The following CDH12 variants were observed in gnomAD, a reference collection of about 807,000 sequenced individuals.
The protein encoded by CDH12 is cadherin 12, also known as cadherin-12.
CDH12 carries 41 observed loss-of-function variants against 74.1 expected under a neutral mutation model. The observed-to-expected ratio is 0.55, with a 90% CI of 0.43 to 0.72. The LOEUF (loss-of-function observed/expected upper bound fraction) is 0.72. Among genes scored for constraint, CDH12 ranks in the 30% least tolerant of loss-of-function variants. CDH12 has a pLI of 0.00. For missense variants in CDH12, 945 were observed against 977.2 expected (o/e 0.97, Z 0.44); for synonymous variants, 399 against 355.0 (o/e 1.12, Z -1.39).
intron 5 of CDH12, among the ~76,000 whole-genome samples, chr5:22,032,720 T>A (rs1338438791): frequency 1.4e-5 from 2 of 141,820 alleles, no homozygotes; most frequent in East Asian, 2.0e-4. Flanking sequence ...AAAAAAAAAA[T>A]GTATATACAT....
intron 5 of CDH12, among the ~76,000 whole-genome samples, chr5:22,001,747 TTTTCC>T (rs1235101658): frequency 1.3e-5 from 2 of 152,082 alleles, no homozygotes; most frequent in African/African-American, 4.8e-5. Context: ...CTCTCCCATT[TTTTCC>T]TTTGTCTTTT....
intron 6 of CDH12, among the ~76,000 whole-genome samples, chr5:21,893,365 A>G (rs149429306): frequency 1.5e-3 from 228 of 152,294 alleles, no homozygotes; most frequent in African/African-American, 5.3e-3. Context: ...AGAGAACAAA[A>G]TGAAGTCCAG....
At chr5:22,329,065 G>T (rs1277217936) in intron 3 of CDH12, among the ~76,000 whole-genome samples, 1 of 152,134 alleles carries the variant, frequency 6.6e-6, no homozygotes, top group East Asian at 1.9e-4. Context: ...TCAACACTGA[G>T]TAATTAATAT....
chr5:22,510,827 A>G (rs929983565), intron 1 of CDH12, among the ~76,000 whole-genome samples: 1 of 152,118 alleles, frequency 6.6e-6, no homozygotes, highest in Admixed American at 6.5e-5. Context: ...CTTTAATTAT[A>G]TCATACATAA....
chr5:22,671,943 G>C (rs1740919570), intron 1 of CDH12, among the ~76,000 whole-genome samples: 1 of 148,190 alleles, frequency 6.7e-6, no homozygotes, highest in Admixed American at 6.8e-5. Context: ...CATTACCTCA[G>C]TCACCTTTAA....
At chr5:22,127,778 A>G (rs568554884) in intron 4 of CDH12, among the ~76,000 whole-genome samples, 1 of 152,324 alleles carries the variant, frequency 6.6e-6, no homozygotes, top group South Asian at 2.1e-4. Flanking sequence ...AGGGTATGCT[A>G]TCATCATCCC....
intron 5 of CDH12, among the ~76,000 whole-genome samples, chr5:22,023,612 T>C (rs1206315803): frequency 6.6e-6 from 1 of 152,018 alleles, no homozygotes; most frequent in Non-Finnish European, 1.5e-5. Context: ...CAAATTTCTA[T>C]AATGACAGGT....
intron 1 of CDH12, among the ~76,000 whole-genome samples, chr5:22,695,901 A>T (rs776603806): frequency 6.6e-6 from 1 of 152,146 alleles, no homozygotes; most frequent in Non-Finnish European, 1.5e-5. Flanking sequence ...TATGAATTAA[A>T]TTTATCTATT....
chr5:22,521,892 T>G (rs1384250861), intron 1 of CDH12, among the ~76,000 whole-genome samples: 2 of 152,200 alleles, frequency 1.3e-5, no homozygotes, highest in Non-Finnish European at 2.9e-5. Context: ...CTACCTTATA[T>G]AAGACTCATT....
chr5:22,692,291 C>T (rs1260567219), intron 1 of CDH12, among the ~76,000 whole-genome samples: 2 of 152,120 alleles, frequency 1.3e-5, no homozygotes, highest in Non-Finnish European at 2.9e-5. Flanking sequence ...AGCTATGAGC[C>T]AAGTAAACTT....
chr5:22,716,381 A>G (rs760561374), intron 1 of CDH12, among the ~76,000 whole-genome samples: 1 of 152,096 alleles, frequency 6.6e-6, no homozygotes, highest in Non-Finnish European at 1.5e-5. Context: ...CTGAAAAACT[A>G]TCACCTAGTG....
intron 4 of CDH12, among the ~76,000 whole-genome samples, chr5:22,144,600 T>C (rs1747036985): frequency 6.6e-6 from 1 of 152,126 alleles, no homozygotes; most frequent in Admixed American, 6.5e-5. Context: ...ATTCGTTATG[T>C]GGAGGCATCT....
chr5:22,455,705 A>G (rs746549923), intron 2 of CDH12, among the ~76,000 whole-genome samples: 2 of 152,236 alleles, frequency 1.3e-5, no homozygotes, highest in Non-Finnish European at 2.9e-5. Context: ...GGTTGAAATC[A>G]CATACACTAA....
chr5:22,578,393 G>T (rs1237991769), intron 1 of CDH12, among the ~76,000 whole-genome samples: 2 of 150,770 alleles, frequency 1.3e-5, no homozygotes, highest in Non-Finnish European at 1.5e-5. Flanking sequence ...GTGTGGGGGG[G>T]GGGTGTTTTT....
intron 2 of CDH12, among the ~76,000 whole-genome samples, chr5:22,459,136 G>A (rs1354291099): frequency 6.6e-6 from 1 of 151,948 alleles, no homozygotes; most frequent in African/African-American, 2.4e-5. Context: ...TGTTGTAATT[G>A]AAAAATTAAT....
At chr5:21,856,165 A>G (rs1297911119) in intron 6 of CDH12, among the ~76,000 whole-genome samples, 1 of 151,676 alleles carries the variant, frequency 6.6e-6, no homozygotes, top group Admixed American at 6.6e-5. Context: ...ATCATTAAAC[A>G]CAATTTGACC....
intron 1 of CDH12, among the ~76,000 whole-genome samples, chr5:22,744,122 T>G (rs1383403653): frequency 6.6e-6 from 1 of 152,062 alleles, no homozygotes; most frequent in African/African-American, 2.4e-5. Context: ...ACAAGCTTCT[T>G]ATTAACATTT....
chr5:22,796,661 A>G (rs1446079457), intron 1 of CDH12, among the ~76,000 whole-genome samples: 1 of 130,344 alleles, frequency 7.7e-6, no homozygotes, highest in African/African-American at 3.2e-5. Flanking sequence ...CTGGGACTAC[A>G]GGCGCCCGCC....
At chr5:21,912,473 T>C (rs917134429) in intron 6 of CDH12, among the ~76,000 whole-genome samples, 10 of 152,122 alleles carry the variant, frequency 6.6e-5, no homozygotes, top group Admixed American at 1.3e-4. Context: ...ATAAAAGATA[T>C]CAAACTCCTT....
Sources: allele counts gnomAD v4.1 joint callset (sites outside exome capture counted in the v4.1 genomes callset), GRCh38; gene constraint gnomAD v4.1.1; transcripts MANE v1.5; gene names NCBI Gene and HGNC (gene_info 2026-07-23, HGNC 2026-07-21).